Variants in PKHD1 observed in about 807,000 individuals in gnomAD.
PKHD1 encodes PKHD1 ciliary IPT domain containing fibrocystin/polyductin.
Under a neutral mutation model 412.0 loss-of-function variants are expected in PKHD1, and 291 were observed. The ratio of observed to expected loss-of-function variants is 0.71; its 90% confidence interval spans 0.64 to 0.78. PKHD1 has a LOEUF of 0.78. PKHD1 is among the 30% of genes least tolerant of loss of function. PKHD1 has a pLI of 0.00. For synonymous variants in PKHD1, 1,777 were observed against 1,821.5 expected (o/e 0.98, Z 0.62); for missense variants, 4,825 against 4,950.7 (o/e 0.97, Z 0.76).
chr6:51,955,158 G>A (rs1790922333), intron 36 of PKHD1, among the ~76,000 whole-genome samples: 1 of 151,890 alleles, frequency 6.6e-6, no homozygotes, highest in South Asian at 2.1e-4. Flanking sequence ...AATTGATTGG[G>A]TTAATTCTCT....
chr6:51,753,082 G>A, intron 57 of PKHD1, 119 bp downstream of exon 57: 1 of 865,960 alleles, frequency 1.2e-6, no homozygotes, highest in Non-Finnish European at 1.9e-6. Context: ...AAGCACAAAG[G>A]AACTATCTCA....
At chr6:51,956,291 T>C (rs1266921) in intron 36 of PKHD1, among the ~76,000 whole-genome samples, 105,574 of 151,904 alleles carry the variant, frequency 0.7, 37,142 homozygotes, top group East Asian at 0.94. Context: ...TGTATATGTG[T>C]GTACTTATAC....
At chr6:52,082,831 C>A (rs1026104123) in intron 3 of PKHD1, among the ~76,000 whole-genome samples, 2 of 152,196 alleles carry the variant, frequency 1.3e-5, no homozygotes, top group African/African-American at 4.8e-5. Context: ...GGTGCAGAAG[C>A]TCCCAAGTAG....
intron 34 of PKHD1, among the ~76,000 whole-genome samples, chr6:52,014,479 A>G (rs567608226): frequency 2.6e-5 from 4 of 152,332 alleles, no homozygotes; most frequent in East Asian, 1.9e-4. Context: ...GATGTGATCA[A>G]TACTGGATAG....
chr6:51,835,618 T>C (rs1043776411), intron 51 of PKHD1, among the ~76,000 whole-genome samples: 1 of 152,030 alleles, frequency 6.6e-6, no homozygotes, highest in African/African-American at 2.4e-5. Flanking sequence ...AAAAACAAAG[T>C]GTGGTGGCAG....
chr6:51,782,941 TTTC>T (rs905903762), intron 53 of PKHD1, among the ~76,000 whole-genome samples: 2 of 152,164 alleles, frequency 1.3e-5, no homozygotes, highest in African/African-American at 4.8e-5. Context: ...TGTATGGATT[TTTC>T]TTCTTCTTTA....
intron 35 of PKHD1, among the ~76,000 whole-genome samples, chr6:51,999,077 C>A (rs1798056284): frequency 6.6e-6 from 1 of 152,212 alleles, no homozygotes; most frequent in Non-Finnish European, 1.5e-5. Flanking sequence ...CCTACACACC[C>A]TTATTTGACC....
chr6:52,044,085 T>C (rs1805381197), intron 25 of PKHD1, among the ~76,000 whole-genome samples: 1 of 152,216 alleles, frequency 6.6e-6, no homozygotes, highest in Non-Finnish European at 1.5e-5. Context: ...GACAAGCTCT[T>C]TATTTGCTAG....
chr6:51,628,309 A>T (rs375395303), intron 65 of PKHD1, among the ~76,000 whole-genome samples: 1 of 152,102 alleles, frequency 6.6e-6, no homozygotes, highest in East Asian at 1.9e-4. Context: ...GCTCCCACTT[A>T]TAAGTGACAA....
chr6:52,005,099 G>C (rs1028564548), intron 35 of PKHD1, among the ~76,000 whole-genome samples: 2 of 152,150 alleles, frequency 1.3e-5, no homozygotes, highest in African/African-American at 4.8e-5. Flanking sequence ...AACCCAAAAA[G>C]AGTTTTTTGG....
chr6:51,940,943 CG>C (rs1274075092), intron 36 of PKHD1, among the ~76,000 whole-genome samples: 2 of 151,496 alleles, frequency 1.3e-5, no homozygotes, highest in East Asian at 3.9e-4. Context: ...CTTATTAGGC[CG>C]AGACATTTTA....
intron 66 of PKHD1, chr6:51,622,213 T>C (rs1332690943): frequency 6.6e-6 from 1 of 152,234 alleles, no homozygotes; most frequent in African/African-American, 2.4e-5. Context: ...CAAAACTTTC[T>C]TGAGCAGCAA....
chr6:51,861,530 C>T (rs1774185534), intron 48 of PKHD1, among the ~76,000 whole-genome samples: 1 of 152,170 alleles, frequency 6.6e-6, no homozygotes, highest in South Asian at 2.1e-4. Flanking sequence ...GTTGATGTCA[C>T]TCTCATCTTT....
chr6:51,970,462 C>G (rs975383975), intron 35 of PKHD1, among the ~76,000 whole-genome samples: 2 of 152,200 alleles, frequency 1.3e-5, no homozygotes, highest in South Asian at 4.2e-4. Flanking sequence ...TTACTAGGTC[C>G]CACTTGCTTA....
intron 55 of PKHD1, among the ~76,000 whole-genome samples, chr6:51,760,166 T>C (rs191984717): frequency 6.6e-6 from 1 of 152,278 alleles, no homozygotes; most frequent in East Asian, 1.9e-4. Flanking sequence ...ATTATAGTAG[T>C]ATTTGAAATT....
chr6:52,006,317 G>T (rs1334988503), intron 35 of PKHD1, among the ~76,000 whole-genome samples: 1 of 151,786 alleles, frequency 6.6e-6, no homozygotes, highest in Non-Finnish European at 1.5e-5. Flanking sequence ...TGGGATTACA[G>T]GCACCACCAC....
chr6:51,960,138 C>T (rs1258404111), intron 35 of PKHD1, 112 bp from the exon 36 acceptor site: 12 of 972,024 alleles, frequency 1.2e-5, no homozygotes, highest in Non-Finnish European at 1.6e-5. Context: ...TGTTTTTGGG[C>T]GGGATAGTAT....
rs755873874 is a variant in PKHD1 at position 51,748,430 on chromosome 6, A to G, written c.9186T>C (p.Asn3062=). ...GCTGTGTCATCAGAACCACAAGGTT[A>G]TTAGTGACAGTATAGGCCTGACCCT... ...DLEGQAYTVT[N]NLVVLMTQPA... is the part of the protein sequence containing the mutation. The change falls in exon 58 of 67, where the codon AAT becomes AAC. Residue 3062 remains asparagine, a synonymous_variant. Transcript: ENST00000371117. 2.5e-6 allele frequency: 4 copies of G among 1,614,072 alleles called. No homozygotes were observed. In the Admixed American group the frequency reaches 5.0e-5, roughly 20 times the overall value.
chr6:51,842,842 TGGTGGA>T (rs1412297728), intron 50 of PKHD1, among the ~76,000 whole-genome samples: 1 of 152,098 alleles, frequency 6.6e-6, no homozygotes, highest in Non-Finnish European at 1.5e-5. Flanking sequence ...GGGAGGGGGC[TGGTGGA>T]GGTGGAGGCA....
Sources: allele counts gnomAD v4.1 joint callset (sites outside exome capture counted in the v4.1 genomes callset), GRCh38; gene constraint gnomAD v4.1.1; transcripts MANE v1.5; gene names NCBI Gene and HGNC (gene_info 2026-07-23, HGNC 2026-07-21).